STAU2: variants seen among roughly 807,000 people sequenced by gnomAD.
The protein encoded by STAU2 is double-stranded RNA-binding protein Staufen homolog 2.
Under a neutral mutation model 65.9 loss-of-function variants are expected in STAU2, and 20 were observed. The observed-to-expected ratio is 0.30, with a 90% CI of 0.21 to 0.44. STAU2 has a LOEUF of 0.44. Ranked by LOEUF, STAU2 falls within the 20% of genes least tolerant of loss-of-function variation. STAU2 has a pLI of 1.00. For missense variants in STAU2, 558 were observed against 683.9 expected (o/e 0.82, Z 2.05); for synonymous variants, 232 against 233.9 (o/e 0.99, Z 0.07).
At chr8:73,576,088 C>T (rs1023567974) in intron 12 of STAU2, among the ~76,000 whole-genome samples, 1 of 151,972 alleles carries the variant, frequency 6.6e-6, no homozygotes, top group African/African-American at 2.4e-5. Flanking sequence ...AAGGGCCCTC[C>T]CACTATGAAA....
chr8:73,745,258 AG>A (rs1185457854), intron 1 of STAU2, among the ~76,000 whole-genome samples: 1 of 152,258 alleles, frequency 6.6e-6, no homozygotes, highest in Non-Finnish European at 1.5e-5. Context: ...TCTTGTTTGC[AG>A]TAAGATACAA....
intron 12 of STAU2, among the ~76,000 whole-genome samples, chr8:73,570,258 AG>A (rs1808950185): frequency 6.6e-6 from 1 of 152,236 alleles, no homozygotes; most frequent in Admixed American, 6.5e-5. Context: ...AGAAGTTTAG[AG>A]AAAAAAAGAG....
intron 5 of STAU2, among the ~76,000 whole-genome samples, chr8:73,680,276 T>C (rs1037409759): frequency 2.0e-5 from 3 of 151,926 alleles, no homozygotes; most frequent in African/African-American, 7.3e-5. Context: ...CAGGAAGACT[T>C]CTAGCCTAGG....
intron 13 of STAU2, among the ~76,000 whole-genome samples, chr8:73,466,062 G>T (rs1819635951): frequency 1.3e-5 from 2 of 152,214 alleles, no homozygotes; most frequent in Non-Finnish European, 2.9e-5. Context: ...CTGGTGTAGG[G>T]TCATGCCCAG....
intron 12 of STAU2, among the ~76,000 whole-genome samples, chr8:73,567,898 T>A (rs1164972527): frequency 1.3e-5 from 2 of 152,098 alleles, no homozygotes; most frequent in African/African-American, 2.4e-5. Flanking sequence ...ATCTTAAATA[T>A]GGACTCGTCT....
chr8:73,738,410 T>C (rs1586387551), intron 2 of STAU2, 61 bp from the exon 3 acceptor site: 6 of 1,112,454 alleles, frequency 5.4e-6, no homozygotes, highest in African/African-American at 1.6e-5. Context: ...TGACTGGTAT[T>C]TTAAACACAT....
chr8:73,603,817 G>A lies in STAU2; in HGVS notation c.938C>T (p.Ala313Val), dbSNP rs752254966. Residue 313 changes from alanine to valine, a missense_variant, in exon 10 of 15, where the codon GCG becomes GTG. Transcript: ENST00000524300. ...GQGMNPISRL[A>V]QIQQAKKEKE... ...TTCCTTTTTGGCCTGTTGAATTTGCGCCAGGCGGCTAATAGGGTTCATCCC... is the reference window on the plus strand; with the variant it reads ...TTCCTTTTTGGCCTGTTGAATTTGCACCAGGCGGCTAATAGGGTTCATCCC... The A allele has an allele frequency of 3.3e-5, 53 of 1,611,828 alleles. No homozygotes were observed. Among genetic ancestry groups the A allele is most frequent in the East Asian group, 4.5e-5 (2 of 44,884 alleles).
intron 6 of STAU2, among the ~76,000 whole-genome samples, chr8:73,644,762 T>C (rs570359595): frequency 1.3e-5 from 2 of 152,226 alleles, no homozygotes; most frequent in African/African-American, 2.4e-5. Flanking sequence ...TCAGGGATTA[T>C]CACTAGAGAT....
At chr8:73,739,979 C>T (rs1024268964) in intron 1 of STAU2, 111 bp from the exon 2 acceptor site, 11 of 623,130 alleles carry the variant, frequency 1.8e-5, no homozygotes, top group Non-Finnish European at 2.8e-5. Flanking sequence ...AGGCAGATGC[C>T]AAACTGTGGT....
chr8:73,703,357 C>A (rs950814171), intron 4 of STAU2, among the ~76,000 whole-genome samples: 1 of 151,610 alleles, frequency 6.6e-6, no homozygotes, highest in African/African-American at 2.4e-5. Flanking sequence ...ATCCTGAGGC[C>A]CCCCCAAAAG....
At chr8:73,433,672 T>A (rs979495669) in intron 13 of STAU2, among the ~76,000 whole-genome samples, 1 of 151,832 alleles carries the variant, frequency 6.6e-6, no homozygotes, top group Non-Finnish European at 1.5e-5. Context: ...GAGAAATTTT[T>A]GTGTTTTTAG....
At chr8:73,705,381 T>C (rs1000480036) in intron 4 of STAU2, among the ~76,000 whole-genome samples, 1 of 152,178 alleles carries the variant, frequency 6.6e-6, no homozygotes, top group Non-Finnish European at 1.5e-5. Context: ...CCCTCAGTGA[T>C]ACCCATTCCA....
chr8:73,551,919 C>T, intron 13 of STAU2, 93 bp downstream of exon 13: 1 of 1,434,280 alleles, frequency 7.0e-7, no homozygotes, highest in South Asian at 1.9e-5. Flanking sequence ...GTAGGCCATA[C>T]TAGCAGGCAA....
intron 12 of STAU2, among the ~76,000 whole-genome samples, chr8:73,559,651 TCAGGGA>T (rs1385979779): frequency 2.0e-5 from 3 of 152,178 alleles, no homozygotes. Context: ...TCCCTGAAGG[TCAGGGA>T]CAGGTGGAAT....
At chr8:73,523,602 G>C (rs1334543734) in intron 13 of STAU2, among the ~76,000 whole-genome samples, 1 of 151,970 alleles carries the variant, frequency 6.6e-6, no homozygotes, top group Non-Finnish European at 1.5e-5. Context: ...CATACCCCCA[G>C]CCCCTGCAAC....
chr8:73,447,857 T>C (rs1818559944), intron 13 of STAU2, among the ~76,000 whole-genome samples: 1 of 152,112 alleles, frequency 6.6e-6, no homozygotes, highest in South Asian at 2.1e-4. Flanking sequence ...TGAGATTATC[T>C]AACATGAGAG....
chr8:73,662,341 G>A (rs75092913), intron 6 of STAU2, among the ~76,000 whole-genome samples: 1,634 of 152,130 alleles, frequency 0.011, 27 homozygotes, highest in African/African-American at 0.037. Context: ...TGTAAAAAGT[G>A]TCTTTCTAGT....
intron 9 of STAU2, among the ~76,000 whole-genome samples, chr8:73,608,060 T>C (rs1812158930): frequency 1.3e-5 from 2 of 152,186 alleles, no homozygotes; most frequent in African/African-American, 4.8e-5. Flanking sequence ...AGATCCCTCA[T>C]GGTCTTTCAA....
At chr8:73,576,399 T>C (rs1809559663) in intron 12 of STAU2, among the ~76,000 whole-genome samples, 1 of 152,002 alleles carries the variant, frequency 6.6e-6, no homozygotes, top group African/African-American at 2.4e-5. Context: ...ACGCTATTTT[T>C]CTAAAGTTTA....
Sources: allele counts gnomAD v4.1 joint callset (sites outside exome capture counted in the v4.1 genomes callset), GRCh38; gene constraint gnomAD v4.1.1; transcripts MANE v1.5; gene names NCBI Gene and HGNC (gene_info 2026-07-23, HGNC 2026-07-21).